SMAD3: variants seen among roughly 807,000 people sequenced by gnomAD.
SMAD3 encodes MAD homolog 3.
A neutral mutation model predicts 51.8 loss-of-function variants in SMAD3; 12 were observed. The observed-to-expected ratio is 0.23, with a 90% CI of 0.15 to 0.38. SMAD3 has a LOEUF of 0.38. Among genes scored for constraint, SMAD3 ranks in the 10% least tolerant of loss-of-function variants. The pLI is 1.00. For missense variants in SMAD3, 294 were observed against 565.6 expected, an observed-to-expected ratio of 0.52 and a Z score of 4.87; for synonymous variants, 238 against 227.7, an observed-to-expected ratio of 1.05 and a Z score of -0.41.
At position 67,194,581 on chromosome 15, in the gene SMAD3, C is replaced by T. The variant is rs1222258995; in HGVS notation, c.*4045C>T. ...TAATAATTTCTTAAAACCATTCAGA[C>T]AGATAACTATTTAATTTTTTTTAAG... On this transcript the variant is annotated 3_prime_UTR_variant, in exon 9 of 9. Transcript: ENST00000327367. 4.3e-6 allele frequency: 1 copy of T among 231,860 alleles called. No individual in the cohort carries two copies. The highest frequency in any genetic ancestry group is 6.1e-5 in the East Asian group (1 of 16,416). The allele number at this position is 231,860 out of a possible 1,614,324, so 14.4% of individuals were successfully genotyped here. A position where few individuals can be genotyped will look rare whatever the true frequency, so the allele number is the denominator to read the frequency against.
In SMAD3 at chr15:67,164,979, G is replaced by A. The variant is rs1435809069; in HGVS notation, c.291G>A (p.Leu97=). The A allele has an allele frequency of 6.2e-7, 1 of 1,614,052 alleles. No individual in the cohort carries two copies. Among genetic ancestry groups the A allele is most frequent in the South Asian group, 1.1e-5 (1 of 91,084 alleles). The change falls in exon 2 of 9, where the codon CTG becomes CTA. Residue 97 remains leucine (L), a synonymous_variant. Transcript: ENST00000327367. ...IYCRLWRWPD[L]HSHHELRAME... ...GCCGCCTGTGGCGATGGCCAGACCT[G>A]CACAGCCACCACGAGCTACGGGCCA...
chr15:67,080,481 C>T (rs1222663135), intron 1 of SMAD3, among the ~76,000 whole-genome samples: 2 of 152,162 alleles, frequency 1.3e-5, no homozygotes, highest in African/African-American at 4.8e-5. Flanking sequence ...TCATCAGGCC[C>T]TGTCCCTTTG....
Position 67,165,249 on chromosome 15 carries a change from A to G in SMAD3, c.401-4A>G. The G allele has an allele frequency of 6.2e-7, 1 of 1,614,034 alleles. No homozygotes were observed. The highest frequency in any genetic ancestry group is 8.5e-7 in the Non-Finnish European group (1 of 1,180,002). On this transcript the variant is annotated splice_region_variant and splice_polypyrimidine_tract_variant and intron_variant, in intron 2 of 8. Transcript: ENST00000327367. ...GCCACCTCTGCTCTGTCTCCCCCGG[A>G]CAGTTCTACCTCCTGTGTTGGTGCC... is the stretch of plus-strand genomic sequence containing the variant.
At chr15:67,187,309 G>T in intron 7 of SMAD3, 56 bp from the exon 8 acceptor site, 1 of 1,611,304 alleles carries the variant, frequency 6.2e-7, no homozygotes, top group African/African-American at 1.3e-5. Context: ...TCCAGGAGGG[G>T]AGCAACGGAC....
intron 1 of SMAD3, among the ~76,000 whole-genome samples, chr15:67,139,209 T>C (rs111394109): frequency 7.9e-5 from 12 of 152,328 alleles, no homozygotes; most frequent in African/African-American, 2.9e-4. Flanking sequence ...TACGTGGATC[T>C]TGAGGATTTT....
At chr15:67,070,144 T>C (rs1960020863) in intron 1 of SMAD3, among the ~76,000 whole-genome samples, 1 of 152,214 alleles carries the variant, frequency 6.6e-6, no homozygotes, top group Non-Finnish European at 1.5e-5. Context: ...ACTAAGGCTG[T>C]AGAGGCCTCC....
chr15:67,079,312 CTAATA>C, intron 1 of SMAD3, among the ~76,000 whole-genome samples: 1 of 151,662 alleles, frequency 6.6e-6, no homozygotes, highest in Non-Finnish European at 1.5e-5. Context: ...GTAGAACTCA[CTAATA>C]CTGCTAAAAA....
rs1158110812 is a variant in SMAD3 at position 67,162,888 on chromosome 15, TG to T, written c.207-2003del. On this transcript the variant is annotated intron_variant, in intron 1 of 8. Transcript: ENST00000327367. The stretch of plus-strand genomic sequence containing the variant: ...GTGGGGTGCCATGGTCATACACTCT[TG>T]GGGTTCCTTGTTATTTTCGTTCAGG... Among the ~76,000 whole-genome samples the T allele has an allele frequency of 2.0e-5, 3 of 152,140 alleles. No homozygotes were observed. In the East Asian group the frequency reaches 5.8e-4, roughly 29 times the overall value.
chr15:67,099,149 C>T lies in SMAD3; in HGVS notation c.206+32789C>T, dbSNP rs763272763. 1.9e-5 allele frequency: 12 copies of T among 640,140 alleles called. No homozygotes were observed. In the Admixed American group the frequency reaches 2.0e-4, roughly 11 times the overall value. The allele number at this position is 640,140 out of a possible 1,614,324, so 39.7% of individuals were successfully genotyped here. A position where few individuals can be genotyped will look rare whatever the true frequency, so the allele number is the denominator to read the frequency against. ...ACACTGACATGAGAAGAAGTAGCCG[C>T]TCTTGTTCACAGTCACAGGGCTGGA... On this transcript the variant is annotated intron_variant, in intron 1 of 8. Transcript: ENST00000327367.
chr15:67,188,279 A>G (rs1015614236), intron 8 of SMAD3, among the ~76,000 whole-genome samples: 1 of 151,232 alleles, frequency 6.6e-6, no homozygotes, highest in African/African-American at 2.4e-5. Flanking sequence ...CTGGGACTAC[A>G]GGTGCGTGCT....
rs1300711535 is a variant in SMAD3, at chr15:67,192,679, G to T, written c.*2143G>T. ...GCTTCCTGTGGCACACAGCCCTCTG[G>T]GTGCTTGGGAACTAGCTTCAGGCAC... On this transcript the variant is annotated 3_prime_UTR_variant, in exon 9 of 9. Transcript: ENST00000327367. 4.3e-6 allele frequency: 1 copy of T among 233,174 alleles called. No individual in the cohort carries two copies. The highest frequency in any genetic ancestry group is 2.2e-5 in the African/African-American group (1 of 45,304). 14.4% of individuals were successfully genotyped at this position (233,174 alleles called of 1,614,324 possible).
chr15:67,069,994 G>A (rs529716391), intron 1 of SMAD3, among the ~76,000 whole-genome samples: 12 of 152,204 alleles, frequency 7.9e-5, no homozygotes, highest in East Asian at 1.9e-4. Flanking sequence ...GTGAGCCACC[G>A]CGCCTCACCG....
intron 1 of SMAD3, chr15:67,125,713 C>G (rs1942711747): frequency 1.0e-6 from 1 of 985,444 alleles, no homozygotes; most frequent in Non-Finnish European, 1.2e-6. Flanking sequence ...AGCAAACGGC[C>G]TGAAATATGA....
In SMAD3 at chr15:67,099,030, T is replaced by G; in HGVS notation, c.206+32670T>G. 6.0e-6 allele frequency: 4 copies of G among 669,872 alleles called. No individual in the cohort carries two copies. In the South Asian group the frequency reaches 6.1e-5, roughly 10 times the overall value. The allele number at this position is 669,872 out of a possible 1,614,324, so 41.5% of individuals were successfully genotyped here. A position where few individuals can be genotyped will look rare whatever the true frequency, so the allele number is the denominator to read the frequency against. ...CCTGAGCGAGGATCAACTCTGTGAG[T>G]ACCCATGATAATTCTCCTTTCTGTG... On this transcript the variant is annotated intron_variant, in intron 1 of 8. Coordinates refer to ENST00000327367, the MANE Select transcript of SMAD3 (RefSeq NM_005902.4).
intron 4 of SMAD3, 63 bp downstream of exon 4, chr15:67,166,916 C>T (rs1962607996): frequency 7.8e-7 from 1 of 1,279,362 alleles, no homozygotes; most frequent in Non-Finnish European, 1.1e-6. Context: ...TTCATCCCTT[C>T]CATCCCTTCC....
chr15:67,185,734 A>G (rs2140321422), intron 7 of SMAD3, among the ~76,000 whole-genome samples: 3 of 152,200 alleles, frequency 2.0e-5, no homozygotes, highest in Non-Finnish European at 1.5e-5. Context: ...GGCTGATCCC[A>G]TCTAAGGCCT....
At chr15:67,187,271 T>C in intron 7 of SMAD3, 94 bp from the exon 8 acceptor site, 1 of 1,438,222 alleles carries the variant, frequency 7.0e-7, no homozygotes, top group Non-Finnish European at 9.8e-7. Flanking sequence ...TAAATGAGGC[T>C]GGTCTAGGGG....
intron 1 of SMAD3, among the ~76,000 whole-genome samples, chr15:67,128,770 T>G (rs538963666): frequency 2.6e-5 from 4 of 152,214 alleles, no homozygotes; most frequent in African/African-American, 9.6e-5. Flanking sequence ...AGAGTGAACC[T>G]CGCCATTTTG....
intron 1 of SMAD3, among the ~76,000 whole-genome samples, chr15:67,095,736 T>C (rs934883116): frequency 2.6e-5 from 4 of 152,168 alleles, no homozygotes; most frequent in Admixed American, 1.3e-4. Context: ...GGTTTCACCA[T>C]GTTGGCGAGG....
Sources: gnomAD v4.1 joint callset for allele counts (sites outside exome capture counted in the v4.1 genomes callset) on GRCh38, gnomAD v4.1.1 for gene constraint, MANE v1.5 for transcripts, NCBI Gene and HGNC (gene_info 2026-07-23, HGNC 2026-07-21) for gene names.